The following DNAH11 variants were observed in gnomAD, a reference collection of about 807,000 sequenced individuals.
DNAH11 encodes the protein axonemal beta dynein heavy chain 11.
DNAH11 carries 442 observed loss-of-function variants against 526.0 expected under a neutral mutation model. That is an observed-to-expected ratio of 0.84 (90% confidence interval 0.78 to 0.91). DNAH11 has a LOEUF of 0.91. Ranked by LOEUF, DNAH11 falls within the 40% of genes least tolerant of loss-of-function variation. The pLI, the probability that DNAH11 is intolerant of heterozygous loss-of-function variation, is 0.00. For synonymous variants in DNAH11, 2,461 were observed against 1,935.9 expected (o/e 1.27, Z -7.12); for missense variants, 6,989 against 5,448.7 (o/e 1.28, Z -8.90).
chr7:21,774,140 T>C (rs1172442152), intron 56 of DNAH11, 141 bp downstream of exon 56: 2 of 784,652 alleles, frequency 2.5e-6, no homozygotes, highest in East Asian at 5.4e-5. Flanking sequence ...AAGAATACAC[T>C]GCTACTGCTT....
chr7:21,861,527 T>C (rs1008592819), intron 68 of DNAH11, among the ~76,000 whole-genome samples: 1 of 152,256 alleles, frequency 6.6e-6, no homozygotes, highest in Non-Finnish European at 1.5e-5. Context: ...ATTGTTAAGA[T>C]GGTAACTTTT....
intron 68 of DNAH11, among the ~76,000 whole-genome samples, chr7:21,856,238 A>G (rs1782842881): frequency 6.6e-6 from 1 of 152,180 alleles, no homozygotes; most frequent in Admixed American, 6.5e-5. Context: ...TCAAGCAGAT[A>G]ACTGATGTGA....
At chr7:21,700,714 G>A (rs1784018089) in intron 36 of DNAH11, among the ~76,000 whole-genome samples, 1 of 152,096 alleles carries the variant, frequency 6.6e-6, no homozygotes, top group Non-Finnish European at 1.5e-5. Flanking sequence ...CAACCCAAAT[G>A]GCCATCAATG....
rs752746558 is a variant in DNAH11, at chr7:21,854,388, C to T, written c.11135C>T (p.Ala3712Val). 6.2e-7 allele frequency: 1 copy of T among 1,613,730 alleles called. No homozygotes were observed. The highest frequency in any genetic ancestry group is 8.5e-7 in the Non-Finnish European group (1 of 1,179,788). Reference sequence around the variant, plus strand: ...TGTTACAGACCAGTGGCAGCAAGAGCATCTCTTCTTTATTTTGTTATTAAT... The same window carrying T: ...TGTTACAGACCAGTGGCAGCAAGAGTATCTCTTCTTTATTTTGTTATTAAT... ...RECYRPVAAR[A>V]SLLYFVINDL... Residue 3712 changes from alanine to valine, a missense_variant, in exon 68 of 82, where the codon GCA becomes GTA. Ala to Val is a moderately conservative substitution (Grantham distance 64). Transcript: ENST00000409508.
rs767761940 is a variant in DNAH11 at position 21,704,478 on chromosome 7, G to T, written c.6318G>T (p.Val2106=). The T allele has an allele frequency of 1.2e-6, 2 of 1,613,678 alleles. No individual in the cohort carries two copies. Among genetic ancestry groups the T allele is most frequent in the Non-Finnish European group, 1.7e-6 (2 of 1,179,800 alleles). Residue 2106 remains valine (V), a synonymous_variant, in exon 38 of 82, where the codon GTG becomes GTT. Transcript: ENST00000409508. ...GGGATTTCAATATGCCCAAAATAGT[G>T]ACTGACGACATCCCAGTGTTTCTGG... ...ALRDFNMPKI[V]TDDIPVFLGL... is the part of the protein sequence containing the mutation.
At chr7:21,751,352 T>A (rs1786405527) in intron 54 of DNAH11, among the ~76,000 whole-genome samples, 1 of 152,094 alleles carries the variant, frequency 6.6e-6, no homozygotes, top group Non-Finnish European at 1.5e-5. Flanking sequence ...TGCTCAGATG[T>A]TCTGAAGGAT....
intron 1 of DNAH11, among the ~76,000 whole-genome samples, chr7:21,544,733 T>C (rs1223946929): frequency 6.6e-6 from 1 of 152,192 alleles, no homozygotes; most frequent in South Asian, 2.1e-4. Flanking sequence ...TAAGATTTTT[T>C]TTTTGGTGTA....
chr7:21,707,766 C>T lies in DNAH11; in HGVS notation c.6614C>T (p.Pro2205Leu), dbSNP rs1325320823. The part of the protein sequence containing the change: ...KQKPVWNDLN[P>L]KAVTTDELFG... ...AAGCCGGTTTGGAATGACTTAAACC[C>T]TAAAGCTGTGACAACAGATGAACTC... Residue 2205 changes from proline to leucine, a missense_variant, in exon 40 of 82, where the codon CCT (proline) becomes CTT (leucine). By Grantham distance (98) the Pro-to-Leu change is moderately conservative. Transcript: ENST00000409508. The T allele has an allele frequency of 6.2e-7, 1 of 1,612,996 alleles. No homozygotes were observed. The highest frequency in any genetic ancestry group is 1.3e-5 in the African/African-American group (1 of 74,974).
At position 21,901,034 on chromosome 7, in the gene DNAH11, C is replaced by T. The variant is rs370940025; in HGVS notation, c.13331C>T (p.Thr4444Ile). ...GCCCGCTGGGACACCCAAGCAGGAA[C>T]CATTGTTGAAGCCCGTCTCAAGGAG... Reference protein sequence around the residue: ...EGARWDTQAGTIVEARLKELA... With the variant: ...EGARWDTQAGIIVEARLKELA... The change falls in exon 82 of 82, where the codon ACC (threonine) becomes ATC (isoleucine). Residue 4444 changes from threonine (T) to isoleucine (I), a missense_variant. Coordinates refer to ENST00000409508, the MANE Select transcript of DNAH11 (RefSeq NM_001277115.2). 4 of 1,610,510 alleles carry T rather than the reference C, an allele frequency of 2.5e-6. No individual in the cohort carries two copies. The highest frequency in any genetic ancestry group is 3.4e-6 in the Non-Finnish European group (4 of 1,178,218).
At chr7:21,853,564 A>C (rs376060123) in intron 67 of DNAH11, among the ~76,000 whole-genome samples, 1 of 152,166 alleles carries the variant, frequency 6.6e-6, no homozygotes, top group South Asian at 2.1e-4. Flanking sequence ...TCTGCCCTAC[A>C]TTTTATTTCC....
intron 32 of DNAH11, among the ~76,000 whole-genome samples, chr7:21,685,785 G>C (rs1232701196): frequency 6.6e-6 from 1 of 152,132 alleles, no homozygotes; most frequent in Non-Finnish European, 1.5e-5. Flanking sequence ...TGCTAAACAT[G>C]GTTTCCACAT....
chr7:21,857,525 T>C (rs1782897739), intron 68 of DNAH11, among the ~76,000 whole-genome samples: 2 of 112,314 alleles, frequency 1.8e-5, no homozygotes. Flanking sequence ...GCTAAACAAT[T>C]TTGAAAAAGA....
At chr7:21,872,671 T>C (rs1269988672) in intron 73 of DNAH11, among the ~76,000 whole-genome samples, 1 of 152,256 alleles carries the variant, frequency 6.6e-6, no homozygotes, top group African/African-American at 2.4e-5. Flanking sequence ...GGCATTTAAT[T>C]TTTTGTGTGT....
At position 21,786,550 on chromosome 7, in the gene DNAH11, T is replaced by C. The variant is rs1166001110; in HGVS notation, c.9598-74T>C. ...AAGTGGGAGTCCACTAAAGCCTTGC[T>C]TGGCAACTTACAGAGCTTCTCCAGA... On this transcript the variant is annotated intron_variant, in intron 58 of 81. Transcript: ENST00000409508. 12 of 1,504,908 alleles carry C rather than the reference T, an allele frequency of 8.0e-6. No individual in the cohort carries two copies. In the East Asian group the frequency reaches 2.8e-4, roughly 35 times the overall value. The allele number at this position is 1,504,908 out of a possible 1,614,324, so 93.2% of individuals were successfully genotyped here. A position where few individuals can be genotyped will look rare whatever the true frequency, so the allele number is the denominator to read the frequency against.
chr7:21,789,801 C>CTCTCTCCTTCCTTCCTTTTT (rs1788368472), intron 61 of DNAH11, among the ~76,000 whole-genome samples: 15 of 65,698 alleles, frequency 2.3e-4, no homozygotes, highest in African/African-American at 7.7e-4. Flanking sequence ...TTCTTTCTTT[C>CTCTCTCCTTCCTTCCTTTTT]TTTCTTTTTT....
At chr7:21,637,532 T>C in intron 26 of DNAH11, 79 bp from the exon 27 acceptor site, 1 of 1,000,798 alleles carries the variant, frequency 1.0e-6, no homozygotes, top group Non-Finnish European at 1.5e-6. Flanking sequence ...TGTTCTTCAT[T>C]TTTTTAATTC....
chr7:21,742,399 A>T (rs982987690), intron 49 of DNAH11, among the ~76,000 whole-genome samples: 4 of 152,186 alleles, frequency 2.6e-5, no homozygotes, highest in African/African-American at 7.2e-5. Flanking sequence ...GGGAGCCAGC[A>T]TTTCACATTT....
intron 66 of DNAH11, among the ~76,000 whole-genome samples, chr7:21,844,664 A>G (rs1235155022): frequency 2.0e-5 from 3 of 152,190 alleles, no homozygotes; most frequent in Non-Finnish European, 4.4e-5. Context: ...GTGCTGATAC[A>G]AATACACTTT....
rs1562600826 is a variant in DNAH11 at position 21,880,789 on chromosome 7, C to T, written c.12283C>T (p.Leu4095=). The change falls in exon 75 of 82, where the codon CTG becomes TTG. Residue 4095 remains leucine, a synonymous_variant. Transcript: ENST00000409508. The stretch of plus-strand genomic sequence containing the variant: ...CTTCCACGCCTGTGTTGCTGGGAGA[C>T]TGAGGTTTGGCCCCCAGGGCTGGAG... ...CYFHACVAGR[L]RFGPQGWSRS... The T allele has an allele frequency of 6.2e-7, 1 of 1,614,008 alleles. No individual in the cohort carries two copies. The highest frequency in any genetic ancestry group is 8.5e-7 in the Non-Finnish European group (1 of 1,179,900).
Sources: gnomAD v4.1 joint callset for allele counts (sites outside exome capture counted in the v4.1 genomes callset) on GRCh38, gnomAD v4.1.1 for gene constraint, MANE v1.5 for transcripts, NCBI Gene and HGNC (gene_info 2026-07-23, HGNC 2026-07-21) for gene names.